The following SLC24A2 variants were observed in gnomAD, a reference collection of about 807,000 sequenced individuals.
SLC24A2 encodes solute carrier family 24 member 2.
In SLC24A2, 36 loss-of-function variants were observed where a neutral mutation model predicts 62.0. The observed-to-expected ratio is 0.58, with a 90% CI of 0.44 to 0.77. SLC24A2 has a LOEUF of 0.77. Among genes scored for constraint, SLC24A2 ranks in the 30% least tolerant of loss-of-function variants. The pLI is 0.00. For synonymous variants in SLC24A2, 358 were observed against 294.0 expected, an observed-to-expected ratio of 1.22 and a Z score of -2.23; for missense variants, 846 against 817.9, an observed-to-expected ratio of 1.03 and a Z score of -0.42.
chr9:20,097,720 A>ATTTTTTTTTTTTTTTTTTTTTTTTTT, the SLC24A2 span, among the ~76,000 whole-genome samples: 1 of 69,052 alleles, frequency 1.4e-5, no homozygotes, highest in East Asian at 6.5e-4. Flanking sequence ...ATCTTAAATA[A>ATTTTTTTTTTTTTTTTTTTTTTTTTT]TTTTTTTTTT....
chr9:19,863,955 A>T, the SLC24A2 span, among the ~76,000 whole-genome samples: 2 of 152,112 alleles, frequency 1.3e-5, no homozygotes, highest in South Asian at 4.1e-4. Context: ...GACTAACAAA[A>T]AAAGAGAGAA....
At chr9:19,938,541 G>A in the SLC24A2 span, among the ~76,000 whole-genome samples, 1 of 152,112 alleles carries the variant, frequency 6.6e-6, no homozygotes, top group South Asian at 2.1e-4. Flanking sequence ...CTCTGGAATA[G>A]TCTCCTTCTG....
the SLC24A2 span, among the ~76,000 whole-genome samples, chr9:19,941,989 A>G: frequency 6.0e-4 from 91 of 152,334 alleles, 1 homozygote; most frequent in African/African-American, 2.2e-3. Flanking sequence ...ATTTTAGACA[A>G]TGAATAATTA....
At chr9:19,582,065 A>T (rs1836225852) in intron 5 of SLC24A2, among the ~76,000 whole-genome samples, 1 of 152,160 alleles carries the variant, frequency 6.6e-6, no homozygotes, top group Admixed American at 6.5e-5. Flanking sequence ...CTTGGTCTGA[A>T]ATTTGCAAAA....
chr9:19,706,480 C>T (rs1056349292), intron 2 of SLC24A2, among the ~76,000 whole-genome samples: 174 of 151,416 alleles, frequency 1.1e-3, no homozygotes, highest in Middle Eastern at 3.4e-3. Flanking sequence ...CCCGGGTTCA[C>T]GCCATTCTCC....
Position 19,573,437 on chromosome 9 carries a change from C to G in SLC24A2, c.1261G>C (p.Asp421His), listed in dbSNP as rs1372962670. ...TCACTGGATGGTGTCATTTCAACATCTGTGCTGGTGCTGTTTGGAAGCTCA... is the reference window on the plus strand; with the variant it reads ...TCACTGGATGGTGTCATTTCAACATGTGTGCTGGTGCTGTTTGGAAGCTCA... ...KIELPNSTST[D>H]VEMTPSSDAS... Residue 421 changes from aspartate (D) to histidine (H), a missense_variant, in exon 7 of 11, where the codon GAT becomes CAT. By Grantham distance (81) the Asp-to-His change is moderately conservative (BLOSUM62 -1). Transcript: ENST00000341998. 2.5e-6 allele frequency: 4 copies of G among 1,611,636 alleles called. No individual in the cohort carries two copies. Among genetic ancestry groups the G allele is most frequent in the Non-Finnish European group, 3.4e-6 (4 of 1,178,936 alleles).
At chr9:19,814,281 G>A in the SLC24A2 span, among the ~76,000 whole-genome samples, 14 of 152,262 alleles carry the variant, frequency 9.2e-5, no homozygotes, top group South Asian at 2.1e-4. Flanking sequence ...GGGGAGCCTG[G>A]ATGTTGGGGT....
At chr9:19,664,195 A>G (rs1819183707) in intron 2 of SLC24A2, among the ~76,000 whole-genome samples, 4 of 152,234 alleles carry the variant, frequency 2.6e-5, no homozygotes, top group Admixed American at 2.6e-4. Context: ...TGCTATAAAG[A>G]CACTCAGCAT....
At chr9:20,301,640 A>C in the SLC24A2 span, among the ~76,000 whole-genome samples, 3 of 151,462 alleles carry the variant, frequency 2.0e-5, no homozygotes, top group Non-Finnish European at 4.4e-5. Flanking sequence ...AGGTACAGAG[A>C]TTTCCAATAT....
At chr9:19,869,098 C>T in the SLC24A2 span, among the ~76,000 whole-genome samples, 1 of 152,122 alleles carries the variant, frequency 6.6e-6, no homozygotes, top group Non-Finnish European at 1.5e-5. Flanking sequence ...CCTCTGGCCT[C>T]AGCCTCCCAA....
chr9:20,035,727 AACCTGGGTG>A, the SLC24A2 span, among the ~76,000 whole-genome samples: 1 of 152,254 alleles, frequency 6.6e-6, no homozygotes, highest in South Asian at 2.1e-4. Flanking sequence ...GCTGCACTCC[AACCTGGGTG>A]ACAGAGTGAG....
At chr9:20,245,421 T>C in the SLC24A2 span, among the ~76,000 whole-genome samples, 1 of 152,122 alleles carries the variant, frequency 6.6e-6, no homozygotes, top group Non-Finnish European at 1.5e-5. Flanking sequence ...TGGAAGTCTA[T>C]GATGTTTTCT....
chr9:20,001,592 C>A, the SLC24A2 span, among the ~76,000 whole-genome samples: 1 of 152,206 alleles, frequency 6.6e-6, no homozygotes, highest in South Asian at 2.1e-4. Flanking sequence ...CCACCCTCCA[C>A]TGGCAATGGC....
intron 8 of SLC24A2, among the ~76,000 whole-genome samples, chr9:19,549,570 G>A (rs1222348362): frequency 1.3e-5 from 2 of 152,196 alleles, no homozygotes; most frequent in Non-Finnish European, 2.9e-5. Flanking sequence ...CTACCATGCT[G>A]TGAGGAAGCC....
At chr9:19,962,840 T>A in the SLC24A2 span, among the ~76,000 whole-genome samples, 1 of 152,152 alleles carries the variant, frequency 6.6e-6, no homozygotes, top group Admixed American at 6.5e-5. Flanking sequence ...CCTAATTGAA[T>A]ACCCTTTATT....
chr9:20,194,549 A>G, the SLC24A2 span, among the ~76,000 whole-genome samples: 1 of 152,184 alleles, frequency 6.6e-6, no homozygotes, highest in Non-Finnish European at 1.5e-5. Context: ...AGTTTATTGA[A>G]GGTTTAGAAT....
At chr9:19,880,108 A>T in the SLC24A2 span, among the ~76,000 whole-genome samples, 2 of 152,212 alleles carry the variant, frequency 1.3e-5, no homozygotes, top group Admixed American at 1.3e-4. Context: ...TTTCCCTATG[A>T]CTATTTAAAA....
At chr9:20,172,484 C>T in the SLC24A2 span, among the ~76,000 whole-genome samples, 1 of 151,798 alleles carries the variant, frequency 6.6e-6, no homozygotes, top group Non-Finnish European at 1.5e-5. Context: ...GAGAGAAATC[C>T]AAATAAGCTC....
At chr9:19,903,958 C>T in the SLC24A2 span, among the ~76,000 whole-genome samples, 736 of 152,268 alleles carry the variant, frequency 4.8e-3, 10 homozygotes, top group African/African-American at 0.017. Flanking sequence ...GATTTTGTAA[C>T]TAAGGGAAGG....
Sources: gnomAD v4.1 joint callset for allele counts (sites outside exome capture counted in the v4.1 genomes callset) on GRCh38, gnomAD v4.1.1 for gene constraint, MANE v1.5 for transcripts, NCBI Gene and HGNC (gene_info 2026-07-23, HGNC 2026-07-21) for gene names.